Variants in BTBD8 observed in about 807,000 individuals in gnomAD.
BTBD8 encodes BTB domain containing 8, also known as BTB/POZ domain-containing protein 8.
Under a neutral mutation model 162.9 loss-of-function variants are expected in BTBD8, and 110 were observed. The ratio of observed to expected loss-of-function variants is 0.68; its 90% CI spans 0.58 to 0.79. BTBD8 has a LOEUF of 0.79. Among genes scored for constraint, BTBD8 ranks in the 30% least tolerant of loss-of-function variants. The pLI, the probability that BTBD8 is intolerant of heterozygous loss-of-function variation, is 0.00. For missense variants in BTBD8, 1,905 were observed against 2,085.4 expected (o/e 0.91, Z 1.68); for synonymous variants, 667 against 716.1 (o/e 0.93, Z 1.10).
chr1:92,175,679 C>G (rs1650693875), intron 13 of BTBD8, among the ~76,000 whole-genome samples: 2 of 151,520 alleles, frequency 1.3e-5, no homozygotes, highest in Non-Finnish European at 2.9e-5. Flanking sequence ...GCCTATAGTC[C>G]CAGCTACTCA....
intron 11 of BTBD8, among the ~76,000 whole-genome samples, chr1:92,168,644 A>G (rs1169847753): frequency 6.6e-6 from 1 of 152,232 alleles, no homozygotes; most frequent in East Asian, 1.9e-4. Context: ...GGTGTTTTAA[A>G]ATAACATTTG....
rs1470082447 is a variant in BTBD8 at position 92,176,837 on chromosome 1, A to G, written c.1644A>G (p.Lys548=). The change falls in exon 14 of 18, where the codon AAA becomes AAG. Residue 548 remains lysine, a synonymous_variant. Coordinates refer to ENST00000636805, the MANE Select transcript of BTBD8 (RefSeq NM_001376131.1). ...KPIFSSSQQR[K]QVSDSGDIKI... ...TTTTTTCTTTTTTATAGCAAAGGAA[A>G]CAAGTTTCTGACTCTGGTGATATAA... 3 of 1,405,504 alleles carry G rather than the reference A, an allele frequency of 2.1e-6. No homozygotes were observed. In the East Asian group the frequency reaches 7.7e-5, roughly 36 times the overall value. The allele number at this position is 1,405,504 out of a possible 1,614,324, so 87.1% of individuals were successfully genotyped here. A position where few individuals can be genotyped will look rare whatever the true frequency, so the allele number is the denominator to read the frequency against.
At chr1:92,171,345 T>C in intron 12 of BTBD8, 54 bp from the exon 13 acceptor site, 7 of 1,318,070 alleles carry the variant, frequency 5.3e-6, no homozygotes, top group Non-Finnish European at 7.4e-6. Context: ...TTCCTTTACT[T>C]CTAAGGTAAT....
intron 5 of BTBD8, among the ~76,000 whole-genome samples, chr1:92,133,342 G>A (rs1045104062): frequency 6.6e-6 from 1 of 152,210 alleles, no homozygotes; most frequent in Non-Finnish European, 1.5e-5. Context: ...AACTGGCATA[G>A]TATGTAGTGC....
rs1272895399 is a variant in BTBD8, at chr1:92,177,031, C to T, written c.1838C>T (p.Thr613Ile). The T allele has an allele frequency of 1.1e-5, 17 of 1,548,578 alleles. No individual in the cohort carries two copies. The Middle Eastern group carries it at 8.3e-4, about 76-fold the overall frequency. Residue 613 changes from threonine (T) to isoleucine (I), a missense_variant, in exon 14 of 18, where the codon ACA becomes ATA. Thr to Ile is a moderately conservative substitution (Grantham distance 89, BLOSUM62 -1). Around this residue, in one of 3 missense-constraint regions of BTBD8, gnomAD observed 1,374 missense variants for 1,442.7 expected, o/e 0.95. Transcript: ENST00000636805. ...GATGATGTAAAGGAAAAAGATGGTA[C>T]AAAAATAGCATCTAAGATTACAAAA... ...KQDDVKEKDGTKIASKITKEL... is the reference protein window; with the variant it reads ...KQDDVKEKDGIKIASKITKEL...
chr1:92,080,830 C>G, intron 1 of BTBD8, 110 bp downstream of exon 1: 1 of 1,489,364 alleles, frequency 6.7e-7, no homozygotes, highest in Non-Finnish European at 8.9e-7. Flanking sequence ...ACTTGGTTCT[C>G]CTCGCCTCAG....
intron 9 of BTBD8, chr1:92,150,573 C>G (rs1348062782): frequency 6.6e-6 from 1 of 152,186 alleles, no homozygotes; most frequent in Admixed American, 6.5e-5. Context: ...TTTCTGTATT[C>G]ATTCATTTTC....
intron 5 of BTBD8, among the ~76,000 whole-genome samples, chr1:92,138,364 G>C (rs907411390): frequency 3.9e-5 from 6 of 152,178 alleles, no homozygotes; most frequent in African/African-American, 1.2e-4. Context: ...GGAAAGCAAA[G>C]GTGTCACTAT....
chr1:92,081,180 TA>T, intron 1 of BTBD8, among the ~76,000 whole-genome samples: 1 of 152,320 alleles, frequency 6.6e-6, no homozygotes, highest in East Asian at 1.9e-4. Flanking sequence ...GAGGTCTCTT[TA>T]AACAATTTAC....
At chr1:92,151,749 T>C (rs971376326) in intron 9 of BTBD8, among the ~76,000 whole-genome samples, 12 of 152,146 alleles carry the variant, frequency 7.9e-5, no homozygotes, top group African/African-American at 2.7e-4. Context: ...ACTGTGTATG[T>C]TTTTGCATTC....
intron 4 of BTBD8, among the ~76,000 whole-genome samples, chr1:92,118,820 T>TTG (rs71586733): frequency 6.9e-6 from 1 of 144,444 alleles, no homozygotes; most frequent in Non-Finnish European, 1.5e-5. Context: ...TTTTTTTTTT[T>TTG]GCTCTATTTG....
At chr1:92,174,798 G>C (rs1650659744) in intron 13 of BTBD8, among the ~76,000 whole-genome samples, 1 of 152,070 alleles carries the variant, frequency 6.6e-6, no homozygotes, top group South Asian at 2.1e-4. Context: ...AAATGTCCCA[G>C]GCTGGTTAGA....
Position 92,139,402 on chromosome 1 carries a change from CTG to C in BTBD8, c.806_807del (p.Leu269ArgfsTer7). On this transcript the variant is annotated frameshift_variant, in exon 6 of 18. Coordinates refer to ENST00000636805, the MANE Select transcript of BTBD8 (RefSeq NM_001376131.1). LOFTEE classifies it high-confidence loss of function. Reference protein sequence around the residue: ...VMMHFIYGGTLDIPDKTNVGQ... With the variant: ...VMMHFIYGGTXDIPDKTNVGQ... Reference sequence around the variant, plus strand: ...GATGCATTTTATATATGGAGGAACTCTGGACATTCCAGACAAAACTAATGTTG... The same window carrying C: ...GATGCATTTTATATATGGAGGAACTCGACATTCCAGACAAAACTAATGTTG... The C allele has an allele frequency of 6.2e-7, 1 of 1,602,288 alleles. No individual in the cohort carries two copies. Among genetic ancestry groups the C allele is most frequent in the Non-Finnish European group, 8.5e-7 (1 of 1,176,868 alleles).
chr1:92,139,691 A>G, intron 6 of BTBD8: 1 of 547,888 alleles, frequency 1.8e-6, no homozygotes, highest in Non-Finnish European at 2.5e-6. Flanking sequence ...ATTATGGTTT[A>G]TAGATCAATA....
chr1:92,098,963 A>G (rs536718118), intron 2 of BTBD8, among the ~76,000 whole-genome samples: 1 of 152,320 alleles, frequency 6.6e-6, no homozygotes, highest in African/African-American at 2.4e-5. Context: ...TTGGAATCAT[A>G]TCTAAGACAC....
intron 1 of BTBD8, among the ~76,000 whole-genome samples, chr1:92,086,711 T>C (rs1648170519): frequency 6.6e-6 from 1 of 152,154 alleles, no homozygotes; most frequent in Non-Finnish European, 1.5e-5. Context: ...CCAAGAGGGC[T>C]CCACCCTCAT....
At chr1:92,142,680 A>T (rs1166451896) in intron 7 of BTBD8, among the ~76,000 whole-genome samples, 1 of 152,184 alleles carries the variant, frequency 6.6e-6, no homozygotes, top group Non-Finnish European at 1.5e-5. Flanking sequence ...GTTAGAGGAG[A>T]CTGATACAGG....
intron 4 of BTBD8, chr1:92,115,930 A>G (rs991971791): frequency 2.6e-5 from 4 of 152,156 alleles, no homozygotes; most frequent in Admixed American, 2.6e-4. Context: ...TACTTTCTTA[A>G]GATGGAATTC....
Position 92,147,858 on chromosome 1 carries a change from AG to A in BTBD8, c.1122+73del, listed in dbSNP as rs1329898216. The A allele has an allele frequency of 3.2e-6, 4 of 1,248,838 alleles. No homozygotes were observed. The East Asian group carries it at 7.1e-5, about 22-fold the overall frequency. The allele number at this position is 1,248,838 out of a possible 1,614,324, so 77.4% of individuals were successfully genotyped here. ...TTATTCAATTTTGTATAGTACTTTCAGTGGTTGAAATATAAATGTAAAATAT... is the reference window on the plus strand; with the variant it reads ...TTATTCAATTTTGTATAGTACTTTCATGGTTGAAATATAAATGTAAAATAT... On this transcript the variant is annotated intron_variant, in intron 9 of 17. Coordinates refer to ENST00000636805, the MANE Select transcript of BTBD8 (RefSeq NM_001376131.1).
Sources: allele counts gnomAD v4.1 joint callset (sites outside exome capture counted in the v4.1 genomes callset), GRCh38; gene constraint gnomAD v4.1.1; regional missense constraint gnomAD v4.1.1; transcripts MANE v1.5; gene names NCBI Gene and HGNC (gene_info 2026-07-23, HGNC 2026-07-21).